LRRC4C: variants seen among roughly 807,000 people sequenced by gnomAD.
LRRC4C encodes the protein leucine rich repeat containing 4C.
In LRRC4C, 5 loss-of-function variants were observed where a neutral mutation model predicts 33.6. The observed-to-expected ratio is 0.15, with a 90% CI of 0.08 to 0.31. The LOEUF is 0.31. Ranked by LOEUF, LRRC4C falls within the 10% of genes least tolerant of loss-of-function variation. The probability of loss-of-function intolerance (pLI) is 1.00; values close to 1 mark genes in which losing one functional copy is unlikely to be tolerated. For missense variants in LRRC4C, 560 were observed against 796.7 expected (o/e 0.70, Z 3.58); for synonymous variants, 329 against 302.0 (o/e 1.09, Z -0.93).
chr11:40,199,782 G>A (rs1380801794), intron 5 of LRRC4C, among the ~76,000 whole-genome samples: 5 of 152,002 alleles, frequency 3.3e-5, no homozygotes, highest in African/African-American at 1.2e-4. Context: ...TTTCCTTGCA[G>A]AAAGCACAGG....
intron 1 of LRRC4C, among the ~76,000 whole-genome samples, chr11:41,261,717 G>C (rs1277655967): frequency 6.6e-6 from 1 of 152,020 alleles, no homozygotes; most frequent in Non-Finnish European, 1.5e-5. Flanking sequence ...CTTGTCTGAG[G>C]GACACTGAAG....
At chr11:40,964,281 G>GA (rs1592203867) in intron 1 of LRRC4C, among the ~76,000 whole-genome samples, 2 of 150,918 alleles carry the variant, frequency 1.3e-5, no homozygotes, top group African/African-American at 2.4e-5. Flanking sequence ...GCAAGTGGCA[G>GA]AAAAAAACCC....
chr11:40,136,374 C>T (rs1047559690), intron 6 of LRRC4C, among the ~76,000 whole-genome samples: 5 of 151,962 alleles, frequency 3.3e-5, no homozygotes, highest in African/African-American at 4.8e-5. Context: ...TCACGCCATT[C>T]TCCTGCCTCA....
At chr11:40,899,089 G>A (rs1010736257) in intron 2 of LRRC4C, among the ~76,000 whole-genome samples, 1 of 91,622 alleles carries the variant, frequency 1.1e-5, no homozygotes, top group Non-Finnish European at 2.5e-5. Flanking sequence ...ATATGGATGT[G>A]GTCATTTTGA....
At chr11:41,277,359 C>A (rs1248085179) in intron 1 of LRRC4C, among the ~76,000 whole-genome samples, 4 of 152,232 alleles carry the variant, frequency 2.6e-5, no homozygotes, top group Admixed American at 2.6e-4. Context: ...TTTTAAATCA[C>A]CCCAAATCTC....
intron 1 of LRRC4C, among the ~76,000 whole-genome samples, chr11:41,457,677 C>T (rs915649050): frequency 2.0e-5 from 3 of 151,980 alleles, no homozygotes; most frequent in East Asian, 1.9e-4. Flanking sequence ...CTGGACATTA[C>T]GGGTAACAGA....
intron 2 of LRRC4C, among the ~76,000 whole-genome samples, chr11:40,725,296 G>A (rs1947234932): frequency 6.6e-6 from 1 of 152,146 alleles, no homozygotes; most frequent in South Asian, 2.1e-4. Flanking sequence ...CACGAGGTCA[G>A]GAGATCGAGA....
chr11:40,310,609 T>C (rs1668769033), intron 4 of LRRC4C, among the ~76,000 whole-genome samples: 1 of 152,228 alleles, frequency 6.6e-6, no homozygotes, highest in Non-Finnish European at 1.5e-5. Context: ...TTACATTTAA[T>C]GAGCATGTAC....
chr11:41,094,511 G>C (rs945743361), intron 1 of LRRC4C, among the ~76,000 whole-genome samples: 1 of 152,026 alleles, frequency 6.6e-6, no homozygotes, highest in Non-Finnish European at 1.5e-5. Context: ...ACAACACAGC[G>C]AGACTCTGTC....
intron 1 of LRRC4C, among the ~76,000 whole-genome samples, chr11:41,061,606 T>C (rs1254509243): frequency 6.6e-6 from 1 of 152,208 alleles, no homozygotes; most frequent in East Asian, 1.9e-4. Flanking sequence ...TTCTTAAATC[T>C]TTCTAAATCA....
chr11:41,363,582 A>T (rs1217362772), intron 1 of LRRC4C, among the ~76,000 whole-genome samples: 1 of 152,178 alleles, frequency 6.6e-6, no homozygotes, highest in Non-Finnish European at 1.5e-5. Context: ...CTGTTATAGG[A>T]ATTTCTCTAT....
At chr11:41,054,075 G>A (rs1275921312) in intron 1 of LRRC4C, among the ~76,000 whole-genome samples, 2 of 152,166 alleles carry the variant, frequency 1.3e-5, no homozygotes, top group Non-Finnish European at 2.9e-5. Flanking sequence ...GATGACAAGT[G>A]TGAGTTGCTA....
chr11:40,898,361 A>AAAAAAAG (rs1328167086), intron 2 of LRRC4C, among the ~76,000 whole-genome samples: 8 of 146,886 alleles, frequency 5.4e-5, no homozygotes, highest in Non-Finnish European at 1.1e-4. Flanking sequence ...CTCAAAAAAA[A>AAAAAAAG]AAAAAAAAAA....
rs546889123 is a variant in LRRC4C, at chr11:40,290,712, T to A, written c.-176+28916A>T. Among the ~76,000 whole-genome samples, 180 of 150,652 alleles carry A rather than the reference T, an allele frequency of 1.2e-3. 1 individual carries two copies. The highest frequency in any genetic ancestry group is 4.1e-3 in the African/African-American group (170 of 41,206). On this transcript the variant is annotated intron_variant, in intron 4 of 6. Coordinates refer to ENST00000528697, the MANE Select transcript of LRRC4C (RefSeq NM_001258419.2). ...GGATATGTCAGAGTTGTCGATCTTATTTTTTTTTAAATGGTATTCAAGCCA... is the reference window on the plus strand; with the variant it reads ...GGATATGTCAGAGTTGTCGATCTTAATTTTTTTTAAATGGTATTCAAGCCA...
chr11:40,381,782 C>A (rs142852065), intron 3 of LRRC4C, among the ~76,000 whole-genome samples: 1 of 151,896 alleles, frequency 6.6e-6, no homozygotes, highest in Non-Finnish European at 1.5e-5. Context: ...AGAAATTTGG[C>A]TTTTGGTCAT....
chr11:40,363,894 C>A (rs996545688), intron 3 of LRRC4C, among the ~76,000 whole-genome samples: 4 of 152,158 alleles, frequency 2.6e-5, no homozygotes, highest in African/African-American at 9.7e-5. Context: ...TAATCGCATG[C>A]GCCTATGACT....
chr11:41,200,999 C>T (rs1946379750), intron 1 of LRRC4C, among the ~76,000 whole-genome samples: 1 of 152,152 alleles, frequency 6.6e-6, no homozygotes, highest in African/African-American at 2.4e-5. Flanking sequence ...ATATAGCAGG[C>T]ACCAAATTAT....
intron 3 of LRRC4C, among the ~76,000 whole-genome samples, chr11:40,464,717 C>T (rs1157138274): frequency 1.3e-5 from 2 of 151,724 alleles, no homozygotes; most frequent in African/African-American, 2.4e-5. Flanking sequence ...TCAGTCAATC[C>T]CTTTAATAAT....
chr11:40,282,589 G>A (rs1344437605), intron 4 of LRRC4C, among the ~76,000 whole-genome samples: 1 of 151,926 alleles, frequency 6.6e-6, no homozygotes, highest in Admixed American at 6.6e-5. Context: ...CTCTAAACTG[G>A]AAATAATCTA....
Sources: allele counts gnomAD v4.1 joint callset (sites outside exome capture counted in the v4.1 genomes callset), GRCh38; gene constraint gnomAD v4.1.1; transcripts MANE v1.5; gene names NCBI Gene and HGNC (gene_info 2026-07-23, HGNC 2026-07-21).